Variants in TYW1 observed in about 807,000 individuals in gnomAD.
TYW1 encodes S-adenosyl-L-methionine-dependent tRNA 4-demethylwyosine synthase TYW1.
In TYW1, 46 loss-of-function variants were observed where a neutral mutation model predicts 96.2. The observed-to-expected ratio is 0.48, with a 90% CI of 0.38 to 0.61. TYW1 has a LOEUF of 0.61. TYW1 is among the 20% of genes least tolerant of loss of function. The pLI is 0.00. For missense variants in TYW1, 684 were observed against 909.6 expected (o/e 0.75, Z 3.19); for synonymous variants, 274 against 323.0 (o/e 0.85, Z 1.63).
At chr7:67,022,031 C>T (rs569948614) in intron 6 of TYW1, among the ~76,000 whole-genome samples, 1 of 152,272 alleles carries the variant, frequency 6.6e-6, no homozygotes, top group East Asian at 1.9e-4. Context: ...CTATCTCAGC[C>T]TCCTGAGTAG....
chr7:67,210,820 CTCTG>C (rs144214654), intron 15 of TYW1, among the ~76,000 whole-genome samples: 38,202 of 148,018 alleles, frequency 0.26, 5,331 homozygotes, highest in African/African-American at 0.35. Flanking sequence ...TCCAGCTAAT[CTCTG>C]TCTATTCATC....
At chr7:67,228,098 C>T (rs558136330) in intron 15 of TYW1, among the ~76,000 whole-genome samples, 15 of 152,216 alleles carry the variant, frequency 9.9e-5, no homozygotes, top group South Asian at 4.2e-4. Flanking sequence ...GTGATTGTGA[C>T]GGCTAAATGA....
chr7:67,030,961 G>A (rs573065472), intron 7 of TYW1, among the ~76,000 whole-genome samples: 2 of 151,974 alleles, frequency 1.3e-5, no homozygotes, highest in East Asian at 3.9e-4. Flanking sequence ...AGCACTTTGG[G>A]AGACCGAGGT....
chr7:67,106,853 C>T (rs1797259665), intron 12 of TYW1, among the ~76,000 whole-genome samples: 1 of 152,154 alleles, frequency 6.6e-6, no homozygotes, highest in African/African-American at 2.4e-5. Flanking sequence ...GAGCTGTGTT[C>T]AGCATTTCAC....
At chr7:67,171,735 C>T (rs1253213209) in intron 13 of TYW1, among the ~76,000 whole-genome samples, 1 of 152,068 alleles carries the variant, frequency 6.6e-6, no homozygotes, top group Non-Finnish European at 1.5e-5. Flanking sequence ...ATGCCCTTCT[C>T]ACCTTCTCAT....
chr7:67,134,103 A>G (rs1798171887), intron 13 of TYW1, among the ~76,000 whole-genome samples: 1 of 152,160 alleles, frequency 6.6e-6, no homozygotes, highest in East Asian at 1.9e-4. Flanking sequence ...TCCCTGCACT[A>G]TCCTCAGTGC....
intron 10 of TYW1, among the ~76,000 whole-genome samples, chr7:67,069,060 A>G (rs1182241440): frequency 1.3e-5 from 2 of 152,294 alleles, no homozygotes; most frequent in East Asian, 3.9e-4. Context: ...TATTTGCACA[A>G]GAGTTATAAT....
intron 3 of TYW1, among the ~76,000 whole-genome samples, chr7:67,000,230 C>G (rs1233903701): frequency 6.6e-6 from 1 of 152,206 alleles, no homozygotes; most frequent in East Asian, 1.9e-4. Context: ...GCCACCGTGC[C>G]CAGTCCCATT....
At chr7:67,226,886 G>A (rs1395577942) in intron 15 of TYW1, among the ~76,000 whole-genome samples, 2 of 152,080 alleles carry the variant, frequency 1.3e-5, no homozygotes, top group Admixed American at 6.6e-5. Context: ...GAGAAGGTCC[G>A]GTAGCCTCTC....
intron 15 of TYW1, among the ~76,000 whole-genome samples, chr7:67,229,721 A>G (rs1801686075): frequency 6.6e-6 from 1 of 152,216 alleles, no homozygotes; most frequent in Non-Finnish European, 1.5e-5. Context: ...TAAGAGGCTG[A>G]AATGGGAGAA....
At chr7:67,174,395 A>C (rs1450414382) in intron 13 of TYW1, among the ~76,000 whole-genome samples, 1 of 151,498 alleles carries the variant, frequency 6.6e-6, no homozygotes, top group Non-Finnish European at 1.5e-5. Flanking sequence ...AACAGAAATG[A>C]GAGCACAAAC....
At chr7:67,156,040 G>A (rs552172913) in intron 13 of TYW1, among the ~76,000 whole-genome samples, 1 of 152,218 alleles carries the variant, frequency 6.6e-6, no homozygotes, top group African/African-American at 2.4e-5. Context: ...CTGTGGTAGG[G>A]CTTTGCTGGG....
At chr7:67,178,533 G>A (rs1319105980) in intron 13 of TYW1, among the ~76,000 whole-genome samples, 2 of 152,076 alleles carry the variant, frequency 1.3e-5, no homozygotes, top group African/African-American at 4.8e-5. Flanking sequence ...CTAAAACCTG[G>A]ACATAATCCA....
intron 12 of TYW1, among the ~76,000 whole-genome samples, chr7:67,100,039 T>C (rs1316807274): frequency 2.0e-5 from 3 of 151,800 alleles, no homozygotes; most frequent in African/African-American, 7.3e-5. Flanking sequence ...TTGCTAGGTA[T>C]GATTGGCAAA....
intron 14 of TYW1, among the ~76,000 whole-genome samples, chr7:67,192,719 A>G (rs1800259801): frequency 1.3e-5 from 2 of 152,172 alleles, no homozygotes. Context: ...TCACTACCTG[A>G]TGCTCTGGAA....
At chr7:67,083,692 G>T (rs2115775098) in intron 11 of TYW1, among the ~76,000 whole-genome samples, 153 bp downstream of exon 11, 1 of 152,266 alleles carries the variant, frequency 6.6e-6, no homozygotes, top group Middle Eastern at 3.4e-3. Context: ...TATATATTTT[G>T]CCTTTTTAGC....
intron 15 of TYW1, among the ~76,000 whole-genome samples, chr7:67,221,686 G>A (rs1056853779): frequency 1.6e-4 from 24 of 151,988 alleles, no homozygotes; most frequent in African/African-American, 5.3e-4. Flanking sequence ...AATGGACATC[G>A]CATTTAACAT....
At chr7:67,029,382 C>CGTGTGTGTGTGTGTGTGT (rs67162571) in intron 7 of TYW1, among the ~76,000 whole-genome samples, 1 of 106,768 alleles carries the variant, frequency 9.4e-6, no homozygotes, top group Non-Finnish European at 1.9e-5. Context: ...TGTGTGTGTG[C>CGTGTGTGTGTGTGTGTGT]GTGTGTGTGT....
chr7:67,218,484 G>T (rs1487918358), intron 15 of TYW1, among the ~76,000 whole-genome samples: 1 of 151,902 alleles, frequency 6.6e-6, no homozygotes, highest in Non-Finnish European at 1.5e-5. Context: ...CTCCTGAGTA[G>T]CTGGGACTAC....
Sources: allele counts gnomAD v4.1 joint callset (sites outside exome capture counted in the v4.1 genomes callset), GRCh38; gene constraint gnomAD v4.1.1; transcripts MANE v1.5; gene names NCBI Gene and HGNC (gene_info 2026-07-23, HGNC 2026-07-21).